Variants in VANGL2 observed in about 807,000 individuals in gnomAD.
VANGL2 encodes the protein VANGL planar cell polarity protein 2.
Under a neutral mutation model 50.2 loss-of-function variants are expected in VANGL2, and 14 were observed. That is an observed-to-expected ratio of 0.28 (90% CI 0.18 to 0.44). The LOEUF is 0.44. Ranked by LOEUF, VANGL2 falls within the 20% of genes least tolerant of loss-of-function variation. VANGL2 has a pLI of 1.00. For synonymous variants in VANGL2, 295 were observed against 297.2 expected (o/e 0.99, Z 0.08); for missense variants, 533 against 701.5 (o/e 0.76, Z 2.71).
chr1:160,416,880 A>G (rs561968164), intron 3 of VANGL2, among the ~76,000 whole-genome samples: 8 of 152,232 alleles, frequency 5.3e-5, no homozygotes, highest in African/African-American at 1.9e-4. Flanking sequence ...CCTTGGGATC[A>G]TCTTTGGGGG....
Position 160,425,313 on chromosome 1 carries a change from G to C in VANGL2, c.1501G>C (p.Glu501Gln). The change falls in exon 8 of 8, where the codon GAG becomes CAG. Residue 501 changes from glutamate (E) to glutamine (Q), a missense_variant. Physicochemically the swap from Glu to Gln is conservative, Grantham distance 29. Coordinates refer to ENST00000368061, the MANE Select transcript of VANGL2 (RefSeq NM_020335.3). ...GAAGGTCCCATTCTTCAAACTCTCC[G>C]AGGAATTTGTGGATCCCAAGTCACA... The part of the protein sequence containing the change: ...TKKVPFFKLS[E>Q]EFVDPKSHKF... 1 of 1,612,784 alleles carries C rather than the reference G, an allele frequency of 6.2e-7. No individual in the cohort carries two copies. Among genetic ancestry groups the C allele is most frequent in the Non-Finnish European group, 8.5e-7 (1 of 1,179,452 alleles).
chr1:160,410,628 G>C (rs1650845962), intron 1 of VANGL2, among the ~76,000 whole-genome samples: 1 of 151,882 alleles, frequency 6.6e-6, no homozygotes, highest in South Asian at 2.1e-4. Context: ...AATGGGAAAG[G>C]GTTGGTCCGC....
chr1:160,404,580 G>T (rs1441659760), intron 1 of VANGL2, among the ~76,000 whole-genome samples: 2 of 151,966 alleles, frequency 1.3e-5, no homozygotes, highest in Admixed American at 6.6e-5. Flanking sequence ...CCTTACCCCA[G>T]CCCCTGGCAA....
chr1:160,419,646 A>C lies in VANGL2; in HGVS notation c.800+37A>C. On this transcript the variant is annotated intron_variant, in intron 4 of 7. Coordinates refer to ENST00000368061, the MANE Select transcript of VANGL2 (RefSeq NM_020335.3). This position sits in a 1 kb window ranked among gnomAD's most constrained non-coding sequence, Gnocchi z 5.8. ...CGGCTGGAGAAGGGTTGGGAGGGAA[A>C]GGGCATGGGAGGATGTGGAGTGACT... 1 of 1,593,892 alleles carries C rather than the reference A, an allele frequency of 6.3e-7. No homozygotes were observed. The highest frequency in any genetic ancestry group is 2.2e-5 in the East Asian group (1 of 44,738).
intron 3 of VANGL2, 45 bp downstream of exon 3, chr1:160,416,227 TGC>T: frequency 6.2e-7 from 1 of 1,613,110 alleles, no homozygotes; most frequent in Non-Finnish European, 8.5e-7. Flanking sequence ...ATTTTCAGAC[TGC>T]TCCTGAGGGG....
At chr1:160,402,254 C>T (rs184078069) in intron 1 of VANGL2, among the ~76,000 whole-genome samples, 2 of 152,212 alleles carry the variant, frequency 1.3e-5, no homozygotes. Flanking sequence ...GGAACTTCCT[C>T]CCCCATCGTC....
chr1:160,405,119 T>G (rs1037703835), intron 1 of VANGL2, among the ~76,000 whole-genome samples: 1 of 152,186 alleles, frequency 6.6e-6, no homozygotes, highest in Non-Finnish European at 1.5e-5. Context: ...CACTCCTGTA[T>G]GCATCAACCC....
chr1:160,425,426 G>GT lies in VANGL2; in HGVS notation c.*49dup. On this transcript the variant is annotated 3_prime_UTR_variant, in exon 8 of 8. Transcript: ENST00000368061. The stretch of plus-strand genomic sequence containing the variant: ...GGAAACTCTGGGGGGTCCTGAGGGG[G>GT]TGGGAGGGGGCTTGGTTCTCAGGCC... 3.3e-6 allele frequency: 4 copies of GT among 1,229,746 alleles called. No individual in the cohort carries two copies. Among genetic ancestry groups the GT allele is most frequent in the South Asian group, 3.7e-5 (2 of 54,100 alleles). 76.2% of individuals were successfully genotyped at this position (1,229,746 alleles called of 1,614,324 possible).
At chr1:160,424,342 C>T in intron 7 of VANGL2, 59 bp downstream of exon 7, 1 of 1,512,474 alleles carries the variant, frequency 6.6e-7, no homozygotes. Context: ...TCTTTCCCAC[C>T]TTCATTTTCC....
rs1327150246 is a variant in VANGL2 at position 160,425,291 on chromosome 1, G to C, written c.1479G>C (p.Lys493Asn). 5.6e-6 allele frequency: 9 copies of C among 1,613,914 alleles called. No individual in the cohort carries two copies. The highest frequency in any genetic ancestry group is 7.6e-6 in the Non-Finnish European group (9 of 1,180,016). Residue 493 changes from lysine to asparagine, a missense_variant, in exon 8 of 8, where the codon AAG (lysine) becomes AAC (asparagine). Physicochemically the swap from Lys to Asn is moderately conservative, Grantham distance 94. Transcript: ENST00000368061. ...QDFSLVVSTK[K>N]VPFFKLSEEF... ...TCAGCCTGGTGGTCAGCACCAAGAA[G>C]GTCCCATTCTTCAAACTCTCCGAGG...
chr1:160,424,559 C>T (rs1181376673), intron 7 of VANGL2, among the ~76,000 whole-genome samples: 1 of 152,146 alleles, frequency 6.6e-6, no homozygotes, highest in Non-Finnish European at 1.5e-5. Flanking sequence ...CCGGAATTAC[C>T]AGATCCAAAG....
At chr1:160,404,211 C>G (rs1236536129) in intron 1 of VANGL2, among the ~76,000 whole-genome samples, 1 of 152,128 alleles carries the variant, frequency 6.6e-6, no homozygotes, top group Non-Finnish European at 1.5e-5. Flanking sequence ...GTGTGAAGCA[C>G]AGGGGATGGA....
chr1:160,419,373 G>T lies in VANGL2; in HGVS notation c.564G>T (p.Leu188=), dbSNP rs777749244. The change falls in exon 4 of 8, where the codon CTG becomes CTT. Residue 188 remains leucine, a synonymous_variant. Coordinates refer to ENST00000368061, the MANE Select transcript of VANGL2 (RefSeq NM_020335.3). The surrounding 1 kb of genome is among the most constrained non-coding windows in gnomAD (Gnocchi z 5.8). ...TGCTGCGTGCCCTGCTTATGGTGCT[G>T]GTTTTCCTGCTCGTGGTCTCCTACT... ...VFVLRALLMV[L]VFLLVVSYWL... 3 of 1,612,256 alleles carry T rather than the reference G, an allele frequency of 1.9e-6. No homozygotes were observed. The highest frequency in any genetic ancestry group is 2.7e-5 in the African/African-American group (2 of 74,928).
At chr1:160,418,147 C>T (rs1651127863) in intron 3 of VANGL2, among the ~76,000 whole-genome samples, 1 of 152,104 alleles carries the variant, frequency 6.6e-6, no homozygotes, top group South Asian at 2.1e-4. Context: ...TCTCGAACTC[C>T]CGACCTCAGG....
chr1:160,419,974 G>A lies in VANGL2; in HGVS notation c.800+365G>A, dbSNP rs1394831785. ...TTCTGGGAGGCGCAGCTTCTTGTGA[G>A]CACTCAGAGTGGCCTGTGAAGTGAC... On this transcript the variant is annotated intron_variant, in intron 4 of 7. Transcript: ENST00000368061. This position sits in a 1 kb window ranked among gnomAD's most constrained non-coding sequence, Gnocchi z 5.8. Among the ~76,000 whole-genome samples, 1 of 152,144 alleles carries A rather than the reference G, an allele frequency of 6.6e-6. No homozygotes were observed.
At chr1:160,414,922 T>C (rs1651001476) in intron 1 of VANGL2, among the ~76,000 whole-genome samples, 1 of 152,142 alleles carries the variant, frequency 6.6e-6, no homozygotes, top group African/African-American at 2.4e-5. Context: ...AAGATAAGCC[T>C]ATAAATAGGC....
chr1:160,419,490 T>C lies in VANGL2; in HGVS notation c.681T>C (p.Leu227=). The C allele has an allele frequency of 4.4e-6, 7 of 1,605,328 alleles. No homozygotes were observed. Among genetic ancestry groups the C allele is most frequent in the Non-Finnish European group, 5.9e-6 (7 of 1,179,976 alleles). Residue 227 remains leucine, a synonymous_variant, in exon 4 of 8, where the codon CTT becomes CTC. Coordinates refer to ENST00000368061, the MANE Select transcript of VANGL2 (RefSeq NM_020335.3). The surrounding 1 kb of genome is among the most constrained non-coding windows in gnomAD (Gnocchi z 5.8). ...QFAVSLVDAL[L]FVHYLAVVLL... Reference sequence around the variant, plus strand: ...CCGTGTCGCTGGTGGACGCCCTTCTTTTCGTGCACTACCTGGCCGTGGTCC... The same window carrying C: ...CCGTGTCGCTGGTGGACGCCCTTCTCTTCGTGCACTACCTGGCCGTGGTCC...
chr1:160,414,781 T>G, intron 1 of VANGL2, among the ~76,000 whole-genome samples: 1 of 113,400 alleles, frequency 8.8e-6, no homozygotes, highest in East Asian at 2.7e-4. Context: ...AAGATAACAT[T>G]GGGTCTAGAG....
At chr1:160,410,601 G>A (rs1388612464) in intron 1 of VANGL2, among the ~76,000 whole-genome samples, 1 of 151,976 alleles carries the variant, frequency 6.6e-6, no homozygotes, top group African/African-American at 2.4e-5. Flanking sequence ...CACTTGAGCC[G>A]CCTCCTTTGA....
Sources: allele counts gnomAD v4.1 joint callset (sites outside exome capture counted in the v4.1 genomes callset), GRCh38; gene constraint gnomAD v4.1.1; non-coding constraint Gnocchi (gnomAD v3.1); transcripts MANE v1.5; gene names NCBI Gene and HGNC (gene_info 2026-07-23, HGNC 2026-07-21).